Variants in CHL1 observed in about 807,000 individuals in gnomAD.
CHL1 encodes cell adhesion molecule L1 like.
A neutral mutation model predicts 141.9 loss-of-function variants in CHL1; 96 were observed. The observed-to-expected ratio is 0.68, with a 90% CI of 0.57 to 0.80. The LOEUF is 0.80. Ranked by LOEUF, CHL1 falls within the 30% of genes least tolerant of loss-of-function variation. The pLI is 0.00. For synonymous variants in CHL1, 613 were observed against 502.2 expected, an observed-to-expected ratio of 1.22 and a Z score of -2.95; for missense variants, 1,820 against 1,457.2, an observed-to-expected ratio of 1.25 and a Z score of -4.05.
chr3:394,915 G>A, intron 24 of CHL1, 43 bp downstream of exon 24: 1 of 1,484,436 alleles, frequency 6.7e-7, no homozygotes, highest in Non-Finnish European at 9.1e-7. Flanking sequence ...GCTTTAAAAA[G>A]AGACTGCATC....
At chr3:243,886 A>T (rs459980) in intron 1 of CHL1, among the ~76,000 whole-genome samples, 1 of 152,160 alleles carries the variant, frequency 6.6e-6, no homozygotes, top group East Asian at 1.9e-4. Context: ...GACTTATTCC[A>T]ATCGTTCTGA....
At chr3:205,553 T>C (rs1430718799) in intron 1 of CHL1, among the ~76,000 whole-genome samples, 1 of 152,168 alleles carries the variant, frequency 6.6e-6, no homozygotes, top group Non-Finnish European at 1.5e-5. Context: ...ATTTTGAGAG[T>C]TGAACGTAGT....
At chr3:221,772 G>A (rs1700861695) in intron 1 of CHL1, among the ~76,000 whole-genome samples, 1 of 152,168 alleles carries the variant, frequency 6.6e-6, no homozygotes. Context: ...CATTAATTTA[G>A]TATTAAGTTA....
At chr3:322,645 A>AATATATATATATATATATATATATAATT (rs1257329529) in intron 3 of CHL1, among the ~76,000 whole-genome samples, 146 of 130,182 alleles carry the variant, frequency 1.1e-3, no homozygotes, top group African/African-American at 1.9e-3. Flanking sequence ...ATATATATAA[A>AATATATATATATATATATATATATAATT]ATATATATAT....
chr3:237,868 C>T (rs557572731), intron 1 of CHL1, among the ~76,000 whole-genome samples: 68 of 152,222 alleles, frequency 4.5e-4, no homozygotes, highest in African/African-American at 1.4e-3. Flanking sequence ...TGGTAAAACT[C>T]GTGATCAGAA....
chr3:254,445 T>C (rs1693975768), intron 2 of CHL1, among the ~76,000 whole-genome samples: 1 of 152,198 alleles, frequency 6.6e-6, no homozygotes, highest in Admixed American at 6.5e-5. Flanking sequence ...TTCCAAGGTA[T>C]GATCTGAGAA....
At chr3:403,657 C>A (rs927789912) in intron 27 of CHL1, among the ~76,000 whole-genome samples, 19 of 152,214 alleles carry the variant, frequency 1.2e-4, no homozygotes, top group African/African-American at 4.6e-4. Context: ...GTCTAAAAAC[C>A]CATTTCCCCA....
intron 2 of CHL1, among the ~76,000 whole-genome samples, chr3:270,221 AAGG>A (rs1695517543): frequency 6.9e-6 from 1 of 144,590 alleles, no homozygotes. Flanking sequence ...AGGCATGGGA[AAGG>A]AGAATTTGGC....
chr3:395,520 A>G (rs2099372), intron 24 of CHL1, among the ~76,000 whole-genome samples: 148,077 of 152,296 alleles, frequency 0.97, 72,109 homozygotes, highest in East Asian at 1. Flanking sequence ...CTATGATAGC[A>G]ACAGGACCTT....
chr3:341,819 A>C, intron 6 of CHL1, 93 bp from the exon 7 acceptor site: 1 of 1,105,904 alleles, frequency 9.0e-7, no homozygotes, highest in East Asian at 2.7e-5. Flanking sequence ...AGGAAAAACC[A>C]AATGAAATAA....
chr3:275,232 C>T (rs1449350266), intron 2 of CHL1, among the ~76,000 whole-genome samples: 1 of 152,210 alleles, frequency 6.6e-6, no homozygotes, highest in Non-Finnish European at 1.5e-5. Flanking sequence ...CAGTGTGGCT[C>T]ATTATCTAGC....
intron 3 of CHL1, 75 bp downstream of exon 3, chr3:319,942 G>A: frequency 2.6e-6 from 2 of 773,218 alleles, no homozygotes; most frequent in Non-Finnish European, 4.3e-6. Flanking sequence ...AATACTTATG[G>A]ATTGAGGATG....
intron 5 of CHL1, among the ~76,000 whole-genome samples, chr3:337,313 C>A (rs949264918): frequency 6.6e-6 from 1 of 151,580 alleles, no homozygotes; most frequent in Non-Finnish European, 1.5e-5. Flanking sequence ...GCCTCAGCCT[C>A]CCGAGTAGCT....
chr3:344,711 T>C lies in CHL1; in HGVS notation c.848+2T>C, dbSNP rs754981220. 1 of 1,613,550 alleles carries C rather than the reference T, an allele frequency of 6.2e-7. No homozygotes were observed. The highest frequency in any genetic ancestry group is 8.5e-7 in the Non-Finnish European group (1 of 1,179,690). On this transcript the variant is annotated splice_donor_variant, in intron 9 of 27. Transcript: ENST00000256509. LOFTEE classifies it high-confidence loss of function. ...GCTTGAGTGTTTTGCTGAAGGCTTG[T>C]GAGTAACCTGACTCTCACTCATGAC...
chr3:385,073 G>T (rs1282036952), intron 19 of CHL1, among the ~76,000 whole-genome samples: 1 of 152,046 alleles, frequency 6.6e-6, no homozygotes, highest in Non-Finnish European at 1.5e-5. Flanking sequence ...TGAATGTGTG[G>T]TTATAGTTAC....
intron 2 of CHL1, among the ~76,000 whole-genome samples, chr3:266,688 A>G (rs1489743002): frequency 1.3e-5 from 2 of 152,222 alleles, no homozygotes; most frequent in Admixed American, 1.3e-4. Flanking sequence ...TTTTGAGCAA[A>G]TAAAGCAAGA....
intron 2 of CHL1, among the ~76,000 whole-genome samples, chr3:277,571 A>G (rs914930722): frequency 6.6e-6 from 1 of 152,160 alleles, no homozygotes; most frequent in Non-Finnish European, 1.5e-5. Flanking sequence ...GTTTTAAACT[A>G]TACTCACTGT....
At chr3:395,634 G>C (rs1479567733) in intron 24 of CHL1, among the ~76,000 whole-genome samples, 2 of 152,232 alleles carry the variant, frequency 1.3e-5, no homozygotes, top group Admixed American at 6.5e-5. Flanking sequence ...ATTGGAGAAA[G>C]AAAAGAAGGA....
At chr3:401,513 C>T in intron 26 of CHL1, 113 bp from the exon 27 acceptor site, 1 of 622,264 alleles carries the variant, frequency 1.6e-6, no homozygotes, top group Non-Finnish European at 2.8e-6. Context: ...TCACTGGTAT[C>T]AAAACATTTG....
Sources: allele counts gnomAD v4.1 joint callset (sites outside exome capture counted in the v4.1 genomes callset), GRCh38; gene constraint gnomAD v4.1.1; transcripts MANE v1.5; gene names NCBI Gene and HGNC (gene_info 2026-07-23, HGNC 2026-07-21).